Variants in RAB38 observed in about 807,000 individuals in gnomAD.
RAB38 encodes RAB38, member RAS oncogene family.
In RAB38, 15 loss-of-function variants were observed where a neutral mutation model predicts 18.4. That is an observed-to-expected ratio of 0.82 (90% CI 0.55 to 1.26). RAB38 has a LOEUF of 1.26. RAB38 is among the 50% of genes most tolerant of loss of function. The pLI is 0.00. For missense variants in RAB38, 294 were observed against 267.4 expected, an observed-to-expected ratio of 1.10 and a Z score of -0.69; for synonymous variants, 101 against 104.4, an observed-to-expected ratio of 0.97 and a Z score of 0.20.
the RAB38 span, among the ~76,000 whole-genome samples, chr11:87,805,905 A>G: frequency 6.6e-6 from 1 of 152,100 alleles, no homozygotes; most frequent in South Asian, 2.1e-4. Context: ...TTTCTCTTAA[A>G]GCCTTCAACT....
chr11:88,035,723 G>T, the RAB38 span, among the ~76,000 whole-genome samples: 1 of 152,148 alleles, frequency 6.6e-6, no homozygotes. Flanking sequence ...TTGACTAAGC[G>T]TCTTGAACTC....
At chr11:87,877,292 T>A in the RAB38 span, among the ~76,000 whole-genome samples, 1 of 151,590 alleles carries the variant, frequency 6.6e-6, no homozygotes, top group Admixed American at 6.6e-5. Context: ...CTGATGGGTG[T>A]CATTAAGTGT....
the RAB38 span, among the ~76,000 whole-genome samples, chr11:87,958,351 C>T: frequency 6.6e-6 from 1 of 152,118 alleles, no homozygotes; most frequent in Non-Finnish European, 1.5e-5. Flanking sequence ...CTAGAGGTAA[C>T]CCAAGTTAAG....
At chr11:87,878,302 C>T in the RAB38 span, among the ~76,000 whole-genome samples, 5 of 128,360 alleles carry the variant, frequency 3.9e-5, no homozygotes, top group Admixed American at 3.4e-4. Flanking sequence ...ATCTATCTAC[C>T]TATCATCTAT....
At chr11:88,166,117 G>C (rs144983262) in intron 1 of RAB38, 1 of 152,366 alleles carries the variant, frequency 6.6e-6, no homozygotes, top group East Asian at 1.9e-4. Flanking sequence ...GGGCAAGCAG[G>C]AGCAAAGGCT....
the RAB38 span, among the ~76,000 whole-genome samples, chr11:87,888,884 G>C: frequency 1.3e-5 from 2 of 151,922 alleles, no homozygotes; most frequent in South Asian, 2.1e-4. Context: ...GGAGGCATAG[G>C]CTACTTCCAA....
Position 88,152,424 on chromosome 11 carries a change from T to C in RAB38, c.203-2469A>G, listed in dbSNP as rs531057963. On this transcript the variant is annotated intron_variant, in intron 1 of 2. Coordinates refer to ENST00000243662, the MANE Select transcript of RAB38 (RefSeq NM_022337.3). ...AGAATCAAAAAGGAAAATATGTGTG[T>C]GTGTGTATATATATATGTGTGTGTG... 1.2e-4 allele frequency among the ~76,000 whole-genome samples: 18 copies of C among 152,256 alleles called. No homozygotes were observed. In the East Asian group the frequency reaches 3.5e-3, roughly 29 times the overall value.
At chr11:88,016,578 C>T in the RAB38 span, among the ~76,000 whole-genome samples, 1 of 152,072 alleles carries the variant, frequency 6.6e-6, no homozygotes, top group South Asian at 2.1e-4. Context: ...AGTCCATGGT[C>T]ACTTTCACCT....
the RAB38 span, among the ~76,000 whole-genome samples, chr11:87,878,146 C>G: frequency 1.4e-5 from 2 of 146,308 alleles, no homozygotes; most frequent in Non-Finnish European, 3.0e-5. Context: ...ATGCTTTGAC[C>G]ATTTACTGCT....
the RAB38 span, among the ~76,000 whole-genome samples, chr11:87,839,021 G>A: frequency 6.6e-6 from 1 of 152,188 alleles, no homozygotes; most frequent in African/African-American, 2.4e-5. Context: ...TAATGACTAT[G>A]CTATGTTACT....
At chr11:88,159,428 C>A (rs1943163233) in intron 1 of RAB38, among the ~76,000 whole-genome samples, 1 of 151,576 alleles carries the variant, frequency 6.6e-6, no homozygotes, top group Non-Finnish European at 1.5e-5. Flanking sequence ...TCTACACATC[C>A]AATGCCATTC....
chr11:87,897,804 A>G, the RAB38 span, among the ~76,000 whole-genome samples: 3 of 151,708 alleles, frequency 2.0e-5, no homozygotes, highest in Admixed American at 6.6e-5. Context: ...AGGATAAAAT[A>G]GCTTTTCTTA....
chr11:87,976,676 T>G, the RAB38 span, among the ~76,000 whole-genome samples: 5 of 117,716 alleles, frequency 4.2e-5, no homozygotes, highest in Non-Finnish European at 8.1e-5. Context: ...TTATATGATA[T>G]ATATTTATAT....
chr11:87,941,898 A>G, the RAB38 span, among the ~76,000 whole-genome samples: 1 of 152,116 alleles, frequency 6.6e-6, no homozygotes, highest in Admixed American at 6.6e-5. Flanking sequence ...ACCTGTCAGC[A>G]GAAAGAAGCT....
At chr11:88,084,914 C>T in the RAB38 span, among the ~76,000 whole-genome samples, 1 of 151,828 alleles carries the variant, frequency 6.6e-6, no homozygotes, top group African/African-American at 2.4e-5. Context: ...AGGCAGATTG[C>T]ATATTTTGAT....
the RAB38 span, among the ~76,000 whole-genome samples, chr11:87,825,423 G>C: frequency 6.6e-6 from 1 of 151,988 alleles, no homozygotes; most frequent in East Asian, 1.9e-4. Context: ...GTGCCAGCAG[G>C]GTTGGCTTCC....
chr11:87,944,721 T>C, the RAB38 span, among the ~76,000 whole-genome samples: 5 of 152,152 alleles, frequency 3.3e-5, no homozygotes, highest in African/African-American at 7.2e-5. Context: ...TTTAGAGTCT[T>C]TCTGGGTCCC....
At chr11:88,087,741 T>C in the RAB38 span, among the ~76,000 whole-genome samples, 4 of 151,916 alleles carry the variant, frequency 2.6e-5, no homozygotes, top group Admixed American at 2.6e-4. Context: ...CCATAGCAAC[T>C]GCAAACTGTC....
intron 1 of RAB38, among the ~76,000 whole-genome samples, chr11:88,156,064 TGAGA>T (rs1943121192): frequency 6.6e-6 from 1 of 152,164 alleles, no homozygotes; most frequent in Non-Finnish European, 1.5e-5. Flanking sequence ...TTGGCATTCC[TGAGA>T]GAGAAGAAAA....
Sources: gnomAD v4.1 joint callset for allele counts (sites outside exome capture counted in the v4.1 genomes callset) on GRCh38, gnomAD v4.1.1 for gene constraint, MANE v1.5 for transcripts, NCBI Gene and HGNC (gene_info 2026-07-23, HGNC 2026-07-21) for gene names.